The following CNKSR3 variants were observed in gnomAD, a reference collection of about 807,000 sequenced individuals.
The protein encoded by CNKSR3 is connector enhancer of kinase suppressor of ras 3.
CNKSR3 carries 36 observed loss-of-function variants against 67.7 expected under a neutral mutation model. The observed-to-expected ratio is 0.53, with a 90% CI of 0.41 to 0.70. The LOEUF (loss-of-function observed/expected upper bound fraction) is 0.70. Among genes scored for constraint, CNKSR3 ranks in the 30% least tolerant of loss-of-function variants. The pLI, the probability that CNKSR3 is intolerant of heterozygous loss-of-function variation, is 0.00. For missense variants in CNKSR3, 630 were observed against 695.2 expected, an observed-to-expected ratio of 0.91 and a Z score of 1.05; for synonymous variants, 281 against 271.4, an observed-to-expected ratio of 1.04 and a Z score of -0.35.
In CNKSR3 at chr6:154,403,624, T is replaced by C. The variant is rs1157238590; in HGVS notation, c.*2730A>G. 1 of 151,198 alleles carries C rather than the reference T, an allele frequency of 6.6e-6. No individual in the cohort carries two copies. The highest frequency in any genetic ancestry group is 2.4e-5 in the African/African-American group (1 of 41,076). The allele number at this position is 151,198 out of a possible 1,614,324, so 9.4% of individuals were successfully genotyped here. A position where few individuals can be genotyped will look rare whatever the true frequency, so the allele number is the denominator to read the frequency against. On this transcript the variant is annotated 3_prime_UTR_variant, in exon 13 of 13. Coordinates refer to ENST00000607772, the MANE Select transcript of CNKSR3 (RefSeq NM_173515.4). Reference sequence around the variant, plus strand: ...AAAGGTTTTTTTTTTTTAGCAGCAATATATTTTTCAAACACAATTCAGGAG... The same window carrying C: ...AAAGGTTTTTTTTTTTTAGCAGCAACATATTTTTCAAACACAATTCAGGAG...
At chr6:154,502,826 A>C (rs965101200) in intron 1 of CNKSR3, among the ~76,000 whole-genome samples, 2 of 152,220 alleles carry the variant, frequency 1.3e-5, no homozygotes, top group African/African-American at 4.8e-5. Flanking sequence ...GAAATAGCAT[A>C]AATGAGAGGA....
In CNKSR3 at chr6:154,388,440, T is replaced by C. The variant is rs191667921; in HGVS notation, c.*17914A>G. 1 of 152,236 alleles carries C rather than the reference T, an allele frequency of 6.6e-6. No homozygotes were observed. The highest frequency in any genetic ancestry group is 1.5e-5 in the Non-Finnish European group (1 of 68,040). The allele number at this position is 152,236 out of a possible 1,614,324, so 9.4% of individuals were successfully genotyped here. A position where few individuals can be genotyped will look rare whatever the true frequency, so the allele number is the denominator to read the frequency against. On this transcript the variant is annotated 3_prime_UTR_variant, in exon 13 of 13. Transcript: ENST00000607772. ...GATGGACGCTTAGATTGTTTGTGTA[T>C]CTTGGATATTGTGAATAATGCGGCA...
chr6:154,503,330 G>C (rs1009969167), intron 1 of CNKSR3, among the ~76,000 whole-genome samples: 2 of 152,016 alleles, frequency 1.3e-5, no homozygotes, highest in Admixed American at 1.3e-4. Flanking sequence ...TTTTTAAAGG[G>C]GGGCAGGGGT....
At chr6:154,454,104 C>CAGAGAGAGAGAGAGAGAG (rs71021054) in intron 1 of CNKSR3, among the ~76,000 whole-genome samples, 20 of 116,338 alleles carry the variant, frequency 1.7e-4, no homozygotes, top group African/African-American at 6.2e-4. Context: ...CACACACACA[C>CAGAGAGAGAGAGAGAGAG]AGAGAGAGAG....
rs1784783951 is a variant in CNKSR3, at chr6:154,406,177, T to G, written c.*177A>C. ...AAGCCAGCACCTAAGATCCTCTGAA[T>G]TTGTTCCCATCCAATCCTGCAAACT... On this transcript the variant is annotated 3_prime_UTR_variant, in exon 13 of 13. Coordinates refer to ENST00000607772, the MANE Select transcript of CNKSR3 (RefSeq NM_173515.4). 1 of 623,096 alleles carries G rather than the reference T, an allele frequency of 1.6e-6. No individual in the cohort carries two copies. Among genetic ancestry groups the G allele is most frequent in the Admixed American group, 3.0e-5 (1 of 33,636 alleles). 38.6% of individuals were successfully genotyped at this position (623,096 alleles called of 1,614,324 possible). A position where few individuals can be genotyped will look rare whatever the true frequency, so the allele number is the denominator to read the frequency against.
chr6:154,434,079 A>G (rs1284959970), intron 4 of CNKSR3: 1 of 152,290 alleles, frequency 6.6e-6, no homozygotes, highest in Non-Finnish European at 1.5e-5. Flanking sequence ...CTGACAAAAA[A>G]GTGGTCTTGA....
At chr6:154,467,110 TC>T (rs1363491413) in intron 1 of CNKSR3, among the ~76,000 whole-genome samples, 1 of 152,044 alleles carries the variant, frequency 6.6e-6, no homozygotes, top group African/African-American at 2.4e-5. Context: ...CCACAGCCAT[TC>T]CCAAGAGCAG....
rs186798170 is a variant in CNKSR3 at position 154,398,713 on chromosome 6, T to C, written c.*7641A>G. 1.3e-5 allele frequency: 2 copies of C among 152,342 alleles called. No homozygotes were observed. The highest frequency in any genetic ancestry group is 3.9e-4 in the East Asian group (2 of 5,190). The allele number at this position is 152,342 out of a possible 1,614,324, so 9.4% of individuals were successfully genotyped here. A position where few individuals can be genotyped will look rare whatever the true frequency, so the allele number is the denominator to read the frequency against. On this transcript the variant is annotated 3_prime_UTR_variant, in exon 13 of 13. Transcript: ENST00000607772. ...AATGCTCCGATTCCCTTTGTTTTCATATACGATTTCATTGAAGGAAGTGGA... is the reference window on the plus strand; with the variant it reads ...AATGCTCCGATTCCCTTTGTTTTCACATACGATTTCATTGAAGGAAGTGGA...
chr6:154,411,659 A>C (rs1462450435), intron 10 of CNKSR3, among the ~76,000 whole-genome samples: 1 of 149,296 alleles, frequency 6.7e-6, no homozygotes, highest in Non-Finnish European at 1.5e-5. Context: ...AAAAAAGAAG[A>C]GTAAATGCAG....
At chr6:154,470,796 A>ACTGAG (rs1481714351) in intron 1 of CNKSR3, among the ~76,000 whole-genome samples, 1 of 152,222 alleles carries the variant, frequency 6.6e-6, no homozygotes, top group African/African-American at 2.4e-5. Context: ...TCTTGGGGAT[A>ACTGAG]TACCTAGGAG....
chr6:154,502,267 C>A (rs1387741441), intron 1 of CNKSR3, among the ~76,000 whole-genome samples: 1 of 151,686 alleles, frequency 6.6e-6, no homozygotes, highest in Non-Finnish European at 1.5e-5. Context: ...TCTCAGCTCA[C>A]TGCAACCTCT....
chr6:154,414,892 T>C, intron 9 of CNKSR3: 2 of 447,344 alleles, frequency 4.5e-6, no homozygotes, highest in East Asian at 7.1e-5. Flanking sequence ...GCTCAGGACT[T>C]CGAGACCAGC....
Position 154,396,474 on chromosome 6 carries a change from GCA to G in CNKSR3, c.*9878_*9879del, listed in dbSNP as rs1213812419. On this transcript the variant is annotated 3_prime_UTR_variant, in exon 13 of 13. Transcript: ENST00000607772. ...ATTTTTTCTAACTTCTTTTCTGATTGCACAGTTAATTTTACCATCTAGTTACT... is the reference window on the plus strand; with the variant it reads ...ATTTTTTCTAACTTCTTTTCTGATTGCAGTTAATTTTACCATCTAGTTACT... The G allele has an allele frequency of 6.6e-6, 1 of 152,038 alleles. No individual in the cohort carries two copies. The highest frequency in any genetic ancestry group is 2.4e-5 in the African/African-American group (1 of 41,384). 9.4% of individuals were successfully genotyped at this position (152,038 alleles called of 1,614,324 possible).
intron 1 of CNKSR3, among the ~76,000 whole-genome samples, chr6:154,483,797 G>A (rs1786614255): frequency 6.6e-6 from 1 of 152,122 alleles, no homozygotes; most frequent in African/African-American, 2.4e-5. Flanking sequence ...AGATCTTGTT[G>A]TGTAATAAAT....
In CNKSR3 at chr6:154,503,640, T is replaced by A. The variant is rs1370466862; in HGVS notation, c.52+6423A>T. ...AGAGAGCAAGACCCTGCCTCTTATT[T>A]AAAAAAAAAAAAAAGGCTGTTATAA... is the stretch of plus-strand genomic sequence containing the variant. On this transcript the variant is annotated intron_variant, in intron 1 of 12. Transcript: ENST00000607772. 1.4e-4 allele frequency among the ~76,000 whole-genome samples: 20 copies of A among 143,826 alleles called. No individual in the cohort carries two copies. In the East Asian group the frequency reaches 3.1e-3, roughly 22 times the overall value. 94.4% of individuals were successfully genotyped at this position (143,826 alleles called of 152,430 possible). A position where few individuals can be genotyped will look rare whatever the true frequency, so the allele number is the denominator to read the frequency against.
chr6:154,497,128 G>A (rs920729464), intron 1 of CNKSR3, among the ~76,000 whole-genome samples: 6 of 151,958 alleles, frequency 3.9e-5, no homozygotes, highest in South Asian at 4.2e-4. Context: ...CTGCAATCCC[G>A]GCACTTTGGG....
At chr6:154,409,867 G>C (rs1038041305) in intron 12 of CNKSR3, among the ~76,000 whole-genome samples, 1 of 134,116 alleles carries the variant, frequency 7.5e-6, no homozygotes, top group Non-Finnish European at 1.6e-5. Context: ...AACATATTGA[G>C]ACTCTGTCTC....
intron 9 of CNKSR3, among the ~76,000 whole-genome samples, chr6:154,418,376 A>ACCTT (rs1785065450): frequency 6.6e-6 from 1 of 152,140 alleles, no homozygotes; most frequent in African/African-American, 2.4e-5. Context: ...GCTCTAGGAA[A>ACCTT]CCTTATCTAA....
intron 4 of CNKSR3, 39 bp downstream of exon 4, chr6:154,441,253 A>G (rs1478215366): frequency 4.0e-6 from 5 of 1,253,606 alleles, no homozygotes; most frequent in African/African-American, 1.5e-5. Context: ...AAAAAAAAAA[A>G]AAAAAAAAAA....
Sources: allele counts gnomAD v4.1 joint callset (sites outside exome capture counted in the v4.1 genomes callset), GRCh38; gene constraint gnomAD v4.1.1; transcripts MANE v1.5; gene names NCBI Gene and HGNC (gene_info 2026-07-23, HGNC 2026-07-21).